Variants in CLCF1 observed in about 807,000 individuals in gnomAD.
CLCF1 encodes cardiotrophin-like cytokine factor 1.
A neutral mutation model predicts 21.2 loss-of-function variants in CLCF1; 10 were observed. The observed-to-expected ratio is 0.47, with a 90% confidence interval of 0.29 to 0.80. The LOEUF (loss-of-function observed/expected upper bound fraction) is 0.80, where lower values mean the gene tolerates loss of function less well. CLCF1 is among the 30% of genes least tolerant of loss of function. The pLI is 0.09. For synonymous variants in CLCF1, 115 were observed against 120.5 expected, an observed-to-expected ratio of 0.95 and a Z score of 0.30; for missense variants, 240 against 293.4, an observed-to-expected ratio of 0.82 and a Z score of 1.33.
chr11:67,373,677 ATT>A (rs765298833), upstream of CLCF1: 1,266 of 1,044,026 alleles, frequency 1.2e-3, no homozygotes, highest in Middle Eastern at 2.9e-3. Flanking sequence ...TCGGTTTCGG[ATT>A]TTTTTTTTTT....
rs1176870895 is a variant in CLCF1, at chr11:67,368,905, TTTTTTCC to T, written c.17-1286_17-1280del. ...AGTGGTTTCTTTCCTATAGTTCTTT[TTTTTTCC>T]TTTTTTTTTTTTTTTTTTGCTGCCA... On this transcript the variant is annotated intron_variant, in intron 1 of 2. Transcript: ENST00000312438. The T allele has an allele frequency of 6.9e-3, 6,158 of 894,038 alleles. 25 individuals carry two copies. Among genetic ancestry groups the T allele is most frequent in the East Asian group, 0.042 (278 of 6,628 alleles). 55.4% of individuals were successfully genotyped at this position (894,038 alleles called of 1,614,324 possible). A position where few individuals can be genotyped will look rare whatever the true frequency, so the allele number is the denominator to read the frequency against.
At position 67,366,810 on chromosome 11, in the gene CLCF1, C is replaced by T. The variant is rs181941982; in HGVS notation, c.183+650G>A. On this transcript the variant is annotated intron_variant, in intron 2 of 2. Transcript: ENST00000312438. ...GGGTCTGGGATGTGGAAGAGGAACA[C>T]GGGAAGAGGGGGCCGGTTCCCCATG... 2.6e-3 allele frequency among the ~76,000 whole-genome samples: 393 copies of T among 152,158 alleles called. 2 individuals carry two copies. Among genetic ancestry groups the T allele is most frequent in the Non-Finnish European group, 4.7e-3 (319 of 67,966 alleles).
rs116231318 is a variant in CLCF1 at position 67,367,665 on chromosome 11, G to T, written c.17-39C>A. On this transcript the variant is annotated intron_variant, in intron 1 of 2. Coordinates refer to ENST00000312438, the MANE Select transcript of CLCF1 (RefSeq NM_013246.3). ...GGACGAGAAGCATGAGCGCGGCCCG[G>T]GCCCACACGGGGAAGCAGCTGGCAG... The T allele has an allele frequency of 3.8e-6, 6 of 1,599,830 alleles. No individual in the cohort carries two copies. In the African/African-American group the frequency reaches 5.4e-5, roughly 14 times the overall value.
chr11:67,369,573 G>A (rs759718156), intron 1 of CLCF1: 1 of 985,402 alleles, frequency 1.0e-6, no homozygotes, highest in African/African-American at 1.7e-5. Context: ...GATCCTATGG[G>A]TACAGAGTAG....
At chr11:67,373,017 C>G (rs906299462) in intron 1 of CLCF1, among the ~76,000 whole-genome samples, 2 of 150,652 alleles carry the variant, frequency 1.3e-5, no homozygotes, top group African/African-American at 4.9e-5. Flanking sequence ...CCGCCGCCCG[C>G]CCTTCCTCCC....
rs1862259092 is a variant in CLCF1, at chr11:67,372,514, C to T, written c.16+1010G>A. ...GCTGGCCCTCCCTGCTGGCGGTGAC[C>T]TCTCGCTCTGGGACCCCTCCCGGCG... On this transcript the variant is annotated intron_variant, in intron 1 of 2. Coordinates refer to ENST00000312438, the MANE Select transcript of CLCF1 (RefSeq NM_013246.3). The surrounding 1 kb of genome is among the most constrained non-coding windows in gnomAD (Gnocchi z 5.9). 6.6e-6 allele frequency among the ~76,000 whole-genome samples: 1 copy of T among 151,874 alleles called. No individual in the cohort carries two copies. Among genetic ancestry groups the T allele is most frequent in the Non-Finnish European group, 1.5e-5 (1 of 67,886 alleles).
chr11:67,371,103 T>C (rs1862223883), intron 1 of CLCF1: 5 of 985,048 alleles, frequency 5.1e-6, no homozygotes, highest in Non-Finnish European at 6.0e-6. Flanking sequence ...GGTCCAGGCA[T>C]TGTGACGGTA....
chr11:67,373,802 G>A (rs1862289013), upstream of CLCF1: 1 of 1,103,456 alleles, frequency 9.1e-7, no homozygotes, highest in Admixed American at 4.5e-5. Context: ...GAGGAGGGAA[G>A]GGAGGGCTTC....
At chr11:67,370,052 C>T in intron 1 of CLCF1, 1 of 985,324 alleles carries the variant, frequency 1.0e-6, no homozygotes, top group Non-Finnish European at 1.2e-6. Flanking sequence ...TCCGACGGCC[C>T]ACAGAACCAG....
chr11:67,369,702 C>T (rs1466900869), intron 1 of CLCF1: 2 of 985,472 alleles, frequency 2.0e-6, no homozygotes, highest in Admixed American at 1.2e-4. Context: ...AGGGTCCCAA[C>T]TGAAGCCGGA....
intron 1 of CLCF1, among the ~76,000 whole-genome samples, chr11:67,371,666 C>G (rs545132913): frequency 6.6e-6 from 1 of 152,054 alleles, no homozygotes; most frequent in Admixed American, 6.5e-5. Context: ...CCACTGAGAG[C>G]CAGAGGCAGG....
In CLCF1 at chr11:67,367,444, T is replaced by C. The variant is rs1862135085; in HGVS notation, c.183+16A>G. 2 of 1,614,058 alleles carry C rather than the reference T, an allele frequency of 1.2e-6. No homozygotes were observed. Among genetic ancestry groups the C allele is most frequent in the African/African-American group, 1.3e-5 (1 of 74,936 alleles). On this transcript the variant is annotated intron_variant, in intron 2 of 2. Transcript: ENST00000312438. ...CACTCCTCCCCAACTCCCAGATTCC[T>C]ACGCTGGATACTCACATAGGTCCCA...
intron 1 of CLCF1, chr11:67,368,891 T>C (rs572271368): frequency 1.0e-6 from 1 of 978,258 alleles, no homozygotes; most frequent in East Asian, 1.2e-4. Flanking sequence ...GTGGTTTCTT[T>C]CCTATAGTTC....
rs996928744 is a variant in CLCF1 at position 67,373,578 on chromosome 11, C to T, written c.-39G>A. ...GGCCGGCCGGGTGCGGCTCCTCTCC[C>T]GGAGGCTGGCGGAGTGGGAGGGCGA... On this transcript the variant is annotated 5_prime_UTR_variant, in exon 1 of 3. Transcript: ENST00000312438. 5.2e-6 allele frequency: 7 copies of T among 1,340,862 alleles called. No homozygotes were observed. The African/African-American group carries it at 6.1e-5, about 12-fold the overall frequency. 83.1% of individuals were successfully genotyped at this position (1,340,862 alleles called of 1,614,324 possible). A position where few individuals can be genotyped will look rare whatever the true frequency, so the allele number is the denominator to read the frequency against.
At chr11:67,374,172 G>A, upstream of CLCF1, 1 of 985,628 alleles carries the variant, frequency 1.0e-6, no homozygotes, top group Non-Finnish European at 1.2e-6. Flanking sequence ...TGGCCTGGGA[G>A]CAAGTGATGG....
intron 1 of CLCF1, chr11:67,368,905 T>C: frequency 3.3e-6 from 3 of 896,390 alleles, no homozygotes; most frequent in Non-Finnish European, 3.8e-6. Context: ...ATAGTTCTTT[T>C]TTTTTCCTTT....
chr11:67,366,729 G>A (rs1279338791), intron 2 of CLCF1, among the ~76,000 whole-genome samples: 1 of 152,050 alleles, frequency 6.6e-6, no homozygotes, highest in Non-Finnish European at 1.5e-5. Flanking sequence ...GTATCCTGGG[G>A]CTGGAGCCAG....
At chr11:67,367,866 T>C in intron 1 of CLCF1, 1 of 985,398 alleles carries the variant, frequency 1.0e-6, no homozygotes, top group Non-Finnish European at 1.2e-6. Flanking sequence ...CAGTAGATAC[T>C]TGAGAATGGA....
intron 1 of CLCF1, chr11:67,368,586 G>C (rs150537070): frequency 4.1e-6 from 4 of 985,424 alleles, no homozygotes; most frequent in Middle Eastern, 5.2e-4. Flanking sequence ...TGGACACTTT[G>C]GACTGGCAAA....
Sources: gnomAD v4.1 joint callset for allele counts (sites outside exome capture counted in the v4.1 genomes callset) on GRCh38, gnomAD v4.1.1 for gene constraint, Gnocchi (gnomAD v3.1) non-coding constraint, MANE v1.5 for transcripts, NCBI Gene and HGNC (gene_info 2026-07-23, HGNC 2026-07-21) for gene names.